GPM6A: variants seen among roughly 807,000 people sequenced by gnomAD.
The protein encoded by GPM6A is neuronal membrane glycoprotein M6-a.
A neutral mutation model predicts 32.1 loss-of-function variants in GPM6A; 7 were observed. The ratio of observed to expected loss-of-function variants is 0.22; its 90% confidence interval spans 0.12 to 0.41. The LOEUF is 0.41. GPM6A is among the 10% of genes least tolerant of loss of function. GPM6A has a pLI of 1.00. For synonymous variants in GPM6A, 130 were observed against 123.4 expected (o/e 1.05, Z -0.35); for missense variants, 235 against 347.2 (o/e 0.68, Z 2.57).
chr4:175,741,495 G>T (rs749909040), intron 1 of GPM6A, among the ~76,000 whole-genome samples: 1 of 152,160 alleles, frequency 6.6e-6, no homozygotes, highest in Non-Finnish European at 1.5e-5. Flanking sequence ...TCTTCATATG[G>T]AATGCACGAC....
intron 1 of GPM6A, chr4:176,002,306 C>T: frequency 6.3e-7 from 1 of 1,599,336 alleles, no homozygotes; most frequent in Non-Finnish European, 8.5e-7. Flanking sequence ...CCCGCGCACT[C>T]ACCCATGGCC....
intron 1 of GPM6A, among the ~76,000 whole-genome samples, chr4:175,752,283 C>A (rs1732365928): frequency 6.6e-6 from 1 of 152,068 alleles, no homozygotes; most frequent in Admixed American, 6.6e-5. Flanking sequence ...CTTTGTGGAG[C>A]TCTTTAGTGT....
intron 2 of GPM6A, among the ~76,000 whole-genome samples, chr4:175,692,895 G>T (rs1349042706): frequency 6.6e-6 from 1 of 151,914 alleles, no homozygotes; most frequent in Non-Finnish European, 1.5e-5. Context: ...ATGGACTTGG[G>T]TCTCTTTTTA....
rs140083592 is a variant in GPM6A, at chr4:175,877,227, C to G, written c.-22-64978G>C. Among the ~76,000 whole-genome samples, 22 of 152,212 alleles carry G rather than the reference C, an allele frequency of 1.4e-4. No homozygotes were observed. In the East Asian group the frequency reaches 4.3e-3, roughly 29 times the overall value. ...CCTGATTCCAGGGATGAAGTTTTGT[C>G]CCTGCCTCAGTGGTAGGCAAGAAGC... On this transcript the variant is annotated intron_variant, in intron 1 of 7. Coordinates refer to the GPM6A transcript ENST00000280187.
At chr4:175,887,044 C>A (rs1737482823) in intron 1 of GPM6A, among the ~76,000 whole-genome samples, 1 of 151,928 alleles carries the variant, frequency 6.6e-6, no homozygotes. Context: ...ACACAAAAGT[C>A]ATTGTTATAG....
intron 1 of GPM6A, among the ~76,000 whole-genome samples, chr4:175,735,499 A>C (rs572475997): frequency 2.9e-4 from 44 of 152,300 alleles, no homozygotes; most frequent in Admixed American, 1.0e-3. Context: ...CAAAATCATT[A>C]ATCAAAAGTA....
chr4:175,771,768 G>A (rs1291063440), intron 1 of GPM6A, among the ~76,000 whole-genome samples: 2 of 152,100 alleles, frequency 1.3e-5, no homozygotes, highest in African/African-American at 2.4e-5. Flanking sequence ...CAGGCATGGA[G>A]CGAGCAAATG....
chr4:175,995,592 C>G (rs1165836685), intron 1 of GPM6A, among the ~76,000 whole-genome samples: 1 of 152,012 alleles, frequency 6.6e-6, no homozygotes, highest in Non-Finnish European at 1.5e-5. Context: ...AGTCGGATTA[C>G]ATGTTAAAAT....
intron 1 of GPM6A, among the ~76,000 whole-genome samples, chr4:175,725,742 TTCTG>T (rs1231844880): frequency 3.9e-5 from 6 of 152,276 alleles, no homozygotes; most frequent in African/African-American, 1.4e-4. Context: ...TAAATCTGTC[TTCTG>T]TCTATCATAT....
intron 1 of GPM6A, among the ~76,000 whole-genome samples, chr4:175,736,421 T>C (rs1054400606): frequency 6.6e-6 from 1 of 152,228 alleles, no homozygotes; most frequent in Admixed American, 6.5e-5. Flanking sequence ...CCACCTGTTT[T>C]AAAGAATGAC....
chr4:175,925,493 C>T (rs1338297596), intron 1 of GPM6A, among the ~76,000 whole-genome samples: 1 of 152,102 alleles, frequency 6.6e-6, no homozygotes. Context: ...ATCTAATTTA[C>T]ATATTTAAAA....
At chr4:175,880,893 A>G (rs1288109709) in intron 1 of GPM6A, among the ~76,000 whole-genome samples, 2 of 152,046 alleles carry the variant, frequency 1.3e-5, no homozygotes, top group East Asian at 1.9e-4. Context: ...CTCTTGTCTG[A>G]TTGCCCTGGC....
chr4:175,901,323 A>G (rs565072234), intron 1 of GPM6A, among the ~76,000 whole-genome samples: 56 of 152,296 alleles, frequency 3.7e-4, no homozygotes, highest in African/African-American at 1.3e-3. Flanking sequence ...CAAAGGATAA[A>G]TGCTCGAGAG....
At chr4:175,773,740 C>T (rs1469334403) in intron 1 of GPM6A, among the ~76,000 whole-genome samples, 3 of 152,152 alleles carry the variant, frequency 2.0e-5, no homozygotes, top group Non-Finnish European at 4.4e-5. Flanking sequence ...CAGAGTCCTG[C>T]ACAGTTTCCA....
intron 1 of GPM6A, chr4:175,787,632 C>T (rs1258630399): frequency 7.8e-7 from 1 of 1,285,332 alleles, no homozygotes; most frequent in Admixed American, 3.7e-5. Flanking sequence ...TATCTAATTG[C>T]TTTACTGACA....
intron 1 of GPM6A, among the ~76,000 whole-genome samples, chr4:175,746,768 TA>T (rs1732119927): frequency 6.6e-6 from 1 of 152,144 alleles, no homozygotes; most frequent in African/African-American, 2.4e-5. Flanking sequence ...CCTTAAATGC[TA>T]GACATAAGGA....
intron 1 of GPM6A, among the ~76,000 whole-genome samples, chr4:175,822,857 G>A (rs1437513094): frequency 6.6e-6 from 1 of 152,070 alleles, no homozygotes; most frequent in African/African-American, 2.4e-5. Context: ...GCCCCGGTGT[G>A]TGATGTTCCC....
chr4:175,876,938 C>T (rs1181265177), intron 1 of GPM6A, among the ~76,000 whole-genome samples: 5 of 152,166 alleles, frequency 3.3e-5, no homozygotes, highest in Admixed American at 1.3e-4. Flanking sequence ...GTGACACTGT[C>T]GTAACAGACA....
rs571765727 is a variant in GPM6A at position 175,830,942 on chromosome 4, A to G, written c.-22-18693T>C. ...GGAACAACTTTGATTTAATTGGACA[A>G]TTTTTATTTATCCCCTAAACTGGAA... On this transcript the variant is annotated intron_variant, in intron 1 of 7. Coordinates refer to the GPM6A transcript ENST00000280187. Among the ~76,000 whole-genome samples, 181 of 152,240 alleles carry G rather than the reference A, an allele frequency of 1.2e-3. 2 individuals are homozygous for G. The highest frequency in any genetic ancestry group is 4.1e-3 in the African/African-American group (172 of 41,568).
Sources: gnomAD v4.1 joint callset for allele counts (sites outside exome capture counted in the v4.1 genomes callset) on GRCh38, gnomAD v4.1.1 for gene constraint, MANE v1.5 for transcripts, NCBI Gene and HGNC (gene_info 2026-07-23, HGNC 2026-07-21) for gene names.